The following PLEKHA1 variants were observed in gnomAD, a reference collection of about 807,000 sequenced individuals.
PLEKHA1 encodes pleckstrin homology domain-containing family A member 1.
In PLEKHA1, 34 loss-of-function variants were observed where a neutral mutation model predicts 52.0. The observed-to-expected ratio is 0.65, with a 90% confidence interval of 0.50 to 0.87. The LOEUF (loss-of-function observed/expected upper bound fraction) is 0.87. Among genes scored for constraint, PLEKHA1 ranks in the 40% least tolerant of loss-of-function variants. The pLI is 0.00. For synonymous variants in PLEKHA1, 163 were observed against 170.7 expected, an observed-to-expected ratio of 0.95 and a Z score of 0.35; for missense variants, 497 against 504.2, an observed-to-expected ratio of 0.99 and a Z score of 0.14.
intron 4 of PLEKHA1, among the ~76,000 whole-genome samples, chr10:122,405,548 A>G (rs549919647): frequency 6.6e-5 from 10 of 151,792 alleles, no homozygotes; most frequent in Non-Finnish European, 1.2e-4. Context: ...TTATTTACCA[A>G]TTAGGTTGTT....
chr10:122,434,903 A>C (rs899404740), downstream of PLEKHA1: 6 of 151,046 alleles, frequency 4.0e-5, 1 homozygote, highest in East Asian at 7.8e-4. Flanking sequence ...TGAACTCATC[A>C]TTTTTTATGG....
intron 5 of PLEKHA1, 40 bp from the exon 6 acceptor site, chr10:122,412,880 A>T: frequency 6.2e-7 from 1 of 1,608,808 alleles, no homozygotes; most frequent in Non-Finnish European, 8.5e-7. Flanking sequence ...CACATGTATA[A>T]TGCTGGTTGC....
At position 122,424,171 on chromosome 10, in the gene PLEKHA1, G is replaced by GTTTCTTTTTT; in HGVS notation, c.682-25_682-24insCTTTTTTTTT. 5 of 953,370 alleles carry GTTTCTTTTTT rather than the reference G, an allele frequency of 5.2e-6. 1 individual carries two copies. The highest frequency in any genetic ancestry group is 6.9e-6 in the Non-Finnish European group (5 of 719,520). 59.1% of individuals were successfully genotyped at this position (953,370 alleles called of 1,614,324 possible). On this transcript the variant is annotated intron_variant, in intron 8 of 11. Transcript: ENST00000368990. ...TTTTAAGAATAAACATCATGTAACT[G>GTTTCTTTTTT]TTTTTTTTTTTTTTTTTTTTTTGCC...
At chr10:122,437,991 G>T in the PLEKHA1 span, 3 of 152,344 alleles carry the variant, frequency 2.0e-5, no homozygotes, top group East Asian at 5.8e-4. Context: ...AGACACGGTG[G>T]TTCACGCCTG....
At chr10:122,386,770 T>C (rs1183859758) in intron 1 of PLEKHA1, 2 of 152,216 alleles carry the variant, frequency 1.3e-5, no homozygotes, top group Non-Finnish European at 2.9e-5. Context: ...CTAGAAGAAT[T>C]TTTAAAAGAC....
intron 1 of PLEKHA1, among the ~76,000 whole-genome samples, chr10:122,381,688 A>G (rs564072257): frequency 7.2e-5 from 11 of 152,266 alleles, no homozygotes; most frequent in Admixed American, 2.6e-4. Context: ...CTTTATAGCA[A>G]TGCAAGAACG....
At chr10:122,392,196 A>G (rs2096785528) in intron 1 of PLEKHA1, 1 of 152,116 alleles carries the variant, frequency 6.6e-6, no homozygotes, top group Admixed American at 6.5e-5. Flanking sequence ...CCAGAATATG[A>G]TACACCTTTT....
chr10:122,438,518 T>C, the PLEKHA1 span: 1 of 152,144 alleles, frequency 6.6e-6, no homozygotes, highest in Admixed American at 6.5e-5. Context: ...TCTCTGAAAG[T>C]CTCTGCCTTA....
At chr10:122,428,545 C>T (rs1018395710) in intron 11 of PLEKHA1, 5 of 873,162 alleles carry the variant, frequency 5.7e-6, no homozygotes, top group Non-Finnish European at 7.5e-6. Flanking sequence ...AAACATACAA[C>T]TTTACTAACA....
chr10:122,390,962 T>G (rs1432880669), intron 1 of PLEKHA1, among the ~76,000 whole-genome samples: 1 of 152,130 alleles, frequency 6.6e-6, no homozygotes, highest in Non-Finnish European at 1.5e-5. Flanking sequence ...ACACTTGTTA[T>G]TTTCCTCTCT....
chr10:122,423,504 A>G (rs113616086), intron 8 of PLEKHA1: 1 of 152,012 alleles, frequency 6.6e-6, no homozygotes, highest in Non-Finnish European at 1.5e-5. Flanking sequence ...AAGTAATGGT[A>G]TGTCTTAATC....
the PLEKHA1 span, chr10:122,438,829 A>G: frequency 1.3e-5 from 2 of 152,214 alleles, no homozygotes; most frequent in East Asian, 1.9e-4. Flanking sequence ...GTCTTGGGTC[A>G]TACATGAAAT....
the PLEKHA1 span, chr10:122,440,959 C>G: frequency 2.0e-5 from 3 of 152,290 alleles, no homozygotes; most frequent in East Asian, 5.8e-4. Flanking sequence ...ACAATTACCT[C>G]ATGGGCCCCT....
At chr10:122,437,414 A>G in the PLEKHA1 span, 1 of 152,200 alleles carries the variant, frequency 6.6e-6, no homozygotes, top group Non-Finnish European at 1.5e-5. Flanking sequence ...GACATGTCAG[A>G]CATCCAAGTA....
chr10:122,402,449 TGGAG>T (rs918572715), intron 4 of PLEKHA1, among the ~76,000 whole-genome samples: 6 of 152,346 alleles, frequency 3.9e-5, no homozygotes, highest in African/African-American at 1.2e-4. Flanking sequence ...CCATTTTTGA[TGGAG>T]GGAGCAGAGT....
chr10:122,428,006 CT>C (rs2097365175), intron 11 of PLEKHA1, among the ~76,000 whole-genome samples: 1 of 152,022 alleles, frequency 6.6e-6, no homozygotes. Flanking sequence ...TCTTTATATC[CT>C]TTTTGAAATA....
chr10:122,429,396 A>G (rs910287792), intron 11 of PLEKHA1, among the ~76,000 whole-genome samples: 8 of 152,148 alleles, frequency 5.3e-5, no homozygotes, highest in Admixed American at 5.2e-4. Context: ...CCTAGTGGAA[A>G]TGGTTTTTGG....
At position 122,414,271 on chromosome 10, in the gene PLEKHA1, G is replaced by T. The variant is rs2097144834; in HGVS notation, c.468+1226G>T. On this transcript the variant is annotated intron_variant, in intron 6 of 11. Coordinates refer to ENST00000368990, the MANE Select transcript of PLEKHA1 (RefSeq NM_001001974.4). ...GACACTGTATTAGTTTGTATCTGTG[G>T]CTGTTTTAATTTTGTCTAGAGTTAA... Among the ~76,000 whole-genome samples the T allele has an allele frequency of 2.0e-5, 3 of 152,100 alleles. No individual in the cohort carries two copies. The South Asian group carries it at 6.2e-4, about 32-fold the overall frequency.
At chr10:122,441,185 A>T in the PLEKHA1 span, 1 of 152,132 alleles carries the variant, frequency 6.6e-6, no homozygotes, top group Non-Finnish European at 1.5e-5. Flanking sequence ...AAAGTTTGAG[A>T]TCGGCTGGGC....
Sources: gnomAD v4.1 joint callset for allele counts (sites outside exome capture counted in the v4.1 genomes callset) on GRCh38, gnomAD v4.1.1 for gene constraint, MANE v1.5 for transcripts, NCBI Gene and HGNC (gene_info 2026-07-23, HGNC 2026-07-21) for gene names.